The following ENKUR variants were observed in gnomAD, a reference collection of about 807,000 sequenced individuals.
The protein encoded by ENKUR is enkurin.
Under a neutral mutation model 27.6 loss-of-function variants are expected in ENKUR, and 19 were observed. The observed-to-expected ratio is 0.69, with a 90% CI of 0.48 to 1.01. The LOEUF is 1.01. Among genes scored for constraint, ENKUR ranks in the 50% least tolerant of loss-of-function variants. The probability of loss-of-function intolerance (pLI) is 0.00; values close to 1 mark genes in which losing one functional copy is unlikely to be tolerated. For missense variants in ENKUR, 312 were observed against 310.5 expected (o/e 1.00, Z -0.04); for synonymous variants, 117 against 96.9 (o/e 1.21, Z -1.22).
At chr10:25,024,254 A>G (rs2132761389) in intron 2 of ENKUR, 7 of 1,614,220 alleles carry the variant, frequency 4.3e-6, no homozygotes, top group South Asian at 1.1e-5. Context: ...GAGTTGTTTC[A>G]TGGACCAACA....
At position 24,995,796 on chromosome 10, in the gene ENKUR, T is replaced by C; in HGVS notation, c.297A>G (p.Ile99Met). ...TATTTATAAAATTTTTTCCACTCTG[T>C]ATTCCCATGACAGGATGATCAGTCT... Reference protein sequence around the residue: ...PLKTDHPVMGIQSGKNFINTN... With the variant: ...PLKTDHPVMGMQSGKNFINTN... Residue 99 changes from isoleucine (I) to methionine (M), a missense_variant, in exon 3 of 6, where the codon ATA becomes ATG. Transcript: ENST00000331161. The C allele has an allele frequency of 6.2e-7, 1 of 1,614,080 alleles. No homozygotes were observed. The highest frequency in any genetic ancestry group is 8.5e-7 in the Non-Finnish European group (1 of 1,180,010).
At chr10:25,029,476 C>A (rs1477823269) in intron 2 of ENKUR, among the ~76,000 whole-genome samples, 1 of 152,028 alleles carries the variant, frequency 6.6e-6, no homozygotes. Context: ...CAAAAATAAT[C>A]ATGGATGGCA....
rs201627934 is a variant in ENKUR, at chr10:25,025,487, A to T, written c.38-29618T>A. On this transcript the variant is annotated intron_variant, in intron 2 of 5. Coordinates refer to the ENKUR transcript ENST00000615958. Reference sequence around the variant, plus strand: ...TCAGAGTAAATTTTTTTTTCTAGCTATAAGCATGCAATAATAAATCTCAAA... The same window carrying T: ...TCAGAGTAAATTTTTTTTTCTAGCTTTAAGCATGCAATAATAAATCTCAAA... 18 of 1,558,380 alleles carry T rather than the reference A, an allele frequency of 1.2e-5. No individual in the cohort carries two copies. In the African/African-American group the frequency reaches 2.1e-4, roughly 18 times the overall value.
intron 1 of ENKUR, among the ~76,000 whole-genome samples, chr10:25,002,691 C>T (rs1341634304): frequency 6.6e-6 from 1 of 152,140 alleles, no homozygotes; most frequent in Non-Finnish European, 1.5e-5. Flanking sequence ...GTATTATCTT[C>T]TTCCTTATGT....
At chr10:25,038,564 T>C (rs11014360) in intron 2 of ENKUR, among the ~76,000 whole-genome samples, 40,307 of 152,138 alleles carry the variant, frequency 0.26, 6,330 homozygotes, top group East Asian at 0.5. Flanking sequence ...AGGAGGGTTT[T>C]AAAGGATACA....
rs191499736 is a variant in ENKUR, at chr10:25,026,556, G to A, written c.38-30687C>T. ...CTGGCAGCTGAAACTGCACACAACTGATACACATATTTAATTTGTATTCCT... is the reference window on the plus strand; with the variant it reads ...CTGGCAGCTGAAACTGCACACAACTAATACACATATTTAATTTGTATTCCT... On this transcript the variant is annotated intron_variant, in intron 2 of 5. Transcript: ENST00000615958. 4 of 166,688 alleles carry A rather than the reference G, an allele frequency of 2.4e-5. No homozygotes were observed. In the Admixed American group the frequency reaches 2.6e-4, roughly 11 times the overall value. 10.3% of individuals were successfully genotyped at this position (166,688 alleles called of 1,614,324 possible). A position where few individuals can be genotyped will look rare whatever the true frequency, so the allele number is the denominator to read the frequency against.
intron 2 of ENKUR, chr10:25,024,889 C>G (rs7086282): frequency 8.1e-6 from 13 of 1,613,588 alleles, no homozygotes; most frequent in Non-Finnish European, 1.1e-5. Flanking sequence ...GGAAAGAAAA[C>G]TAGCACAAAC....
intron 2 of ENKUR, among the ~76,000 whole-genome samples, chr10:25,031,633 C>A (rs1451346723): frequency 6.6e-6 from 1 of 152,074 alleles, no homozygotes; most frequent in East Asian, 1.9e-4. Context: ...CTTTTTCTTT[C>A]TTTGAATTCA....
At position 25,015,913 on chromosome 10, in the gene ENKUR, C is replaced by T. The variant is rs1225003026; in HGVS notation, c.24G>A (p.Glu8=). The change falls in exon 1 of 6, where the codon GAG becomes GAA. Residue 8 remains glutamate, a synonymous_variant. Coordinates refer to ENST00000331161, the MANE Select transcript of ENKUR (RefSeq NM_145010.4). MDPTCSS[E]CIYNLIPSDL... ...CACTGGGTATGAGGTTATAAATGCA[C>T]TCAGAAGAGCACGTTGGATCCATGG... 1.2e-6 allele frequency: 2 copies of T among 1,608,218 alleles called. No individual in the cohort carries two copies. Among genetic ancestry groups the T allele is most frequent in the Non-Finnish European group, 1.7e-6 (2 of 1,177,106 alleles).
rs561014873 is a variant in ENKUR at position 25,033,225 on chromosome 10, A to G, written c.37+27887T>C. On this transcript the variant is annotated intron_variant, in intron 2 of 5. Coordinates refer to the ENKUR transcript ENST00000615958. ...AGTTCAAGACCAGCCTGGTTAACAT[A>G]GGGAGACCTCTCTACAAAAATTTAA... Among the ~76,000 whole-genome samples, 6 of 152,016 alleles carry G rather than the reference A, an allele frequency of 3.9e-5. No homozygotes were observed. The East Asian group carries it at 1.2e-3, about 29-fold the overall frequency.
intron 2 of ENKUR, among the ~76,000 whole-genome samples, chr10:25,054,790 C>T (rs1245596518): frequency 1.3e-5 from 2 of 151,712 alleles, no homozygotes; most frequent in East Asian, 1.9e-4. Flanking sequence ...TCAGGTCCCA[C>T]CTCAGCCCCC....
chr10:25,014,046 C>A (rs1446839049), intron 1 of ENKUR, among the ~76,000 whole-genome samples: 1 of 152,184 alleles, frequency 6.6e-6, no homozygotes, highest in East Asian at 1.9e-4. Context: ...TGAATCATGA[C>A]TTCCCATTGA....
upstream of ENKUR, among the ~76,000 whole-genome samples, chr10:25,017,217 C>A (rs748943874): frequency 6.6e-6 from 1 of 152,176 alleles, no homozygotes; most frequent in Non-Finnish European, 1.5e-5. Context: ...TTTTTGGTGT[C>A]CCTTGTTGGA....
Position 25,042,922 on chromosome 10 carries a change from T to A in ENKUR, c.37+18190A>T, listed in dbSNP as rs1040998126. 5.3e-5 allele frequency among the ~76,000 whole-genome samples: 8 copies of A among 152,298 alleles called. No individual in the cohort carries two copies. The South Asian group carries it at 8.3e-4, about 16-fold the overall frequency. On this transcript the variant is annotated intron_variant, in intron 2 of 5. Coordinates refer to the ENKUR transcript ENST00000615958. ...CATGATCTGAACTTAATCCTAAACC[T>A]ATTTGGGACAATATTAGGACAATCA... is the stretch of plus-strand genomic sequence containing the variant.
At chr10:24,998,273 TTTTTCTTTTC>T (rs748422124) in intron 2 of ENKUR, among the ~76,000 whole-genome samples, 1 of 151,880 alleles carries the variant, frequency 6.6e-6, no homozygotes, top group South Asian at 2.1e-4. Context: ...ACTCGTTTCT[TTTTTCTTTTC>T]TTTTCTTTTC....
rs144900610 is a variant in ENKUR at position 25,004,708 on chromosome 10, G to A, written c.78-5162C>T. Among the ~76,000 whole-genome samples the A allele has an allele frequency of 9.3e-3, 1,417 of 152,216 alleles. 21 individuals carry two copies. The highest frequency in any genetic ancestry group is 0.032 in the African/African-American group (1,336 of 41,536). ...GTTTGCAAAAATTTTCTCCCATTCT[G>A]TAGGTTGTTTACTCTGTTGATGGTT... On this transcript the variant is annotated intron_variant, in intron 1 of 5. Transcript: ENST00000331161.
At position 25,015,894 on chromosome 10, in the gene ENKUR, GT is replaced by G. The variant is rs1204605710; in HGVS notation, c.42del (p.Ser16ValfsTer3). On this transcript the variant is annotated frameshift_variant, in exon 1 of 6. Transcript: ENST00000331161. LOFTEE classifies it high-confidence loss of function. The stretch of plus-strand genomic sequence containing the variant: ...TGGGGAGGCTCCTTCAAGTCACTGG[GT>G]ATGAGGTTATAAATGCACTCAGAAG... ...TCSSECIYNL[I>X]PSDLKEPPQP... The G allele has an allele frequency of 6.2e-7, 1 of 1,607,470 alleles. No individual in the cohort carries two copies. The highest frequency in any genetic ancestry group is 8.5e-7 in the Non-Finnish European group (1 of 1,176,818).
intron 4 of ENKUR, among the ~76,000 whole-genome samples, chr10:24,989,502 T>C (rs1849878781): frequency 1.3e-5 from 2 of 152,218 alleles, no homozygotes; most frequent in Admixed American, 1.3e-4. Context: ...ACTTAAGAGC[T>C]GCACACATAC....
intron 2 of ENKUR, among the ~76,000 whole-genome samples, chr10:25,040,562 C>CAA (rs34627689): frequency 6.6e-6 from 1 of 150,948 alleles, no homozygotes; most frequent in Admixed American, 6.6e-5. Flanking sequence ...TCAGTAGAAA[C>CAA]GGTTTCACCG....
Sources: gnomAD v4.1 joint callset for allele counts (sites outside exome capture counted in the v4.1 genomes callset) on GRCh38, gnomAD v4.1.1 for gene constraint, MANE v1.5 for transcripts, NCBI Gene and HGNC (gene_info 2026-07-23, HGNC 2026-07-21) for gene names.